TRIM13: variants seen among roughly 807,000 people sequenced by gnomAD.
The protein encoded by TRIM13 is E3 ubiquitin-protein ligase TRIM13.
Under a neutral mutation model 27.1 loss-of-function variants are expected in TRIM13, and 15 were observed. The ratio of observed to expected loss-of-function variants is 0.55; its 90% confidence interval spans 0.37 to 0.85. TRIM13 has a LOEUF of 0.85. TRIM13 is among the 40% of genes least tolerant of loss of function. TRIM13 has a pLI of 0.00. For synonymous variants in TRIM13, 193 were observed against 171.5 expected (o/e 1.13, Z -0.98); for missense variants, 402 against 472.2 (o/e 0.85, Z 1.38).
Position 50,015,921 on chromosome 13 carries a change from T to C in TRIM13, c.*2757T>C. On this transcript the variant is annotated 3_prime_UTR_variant, in exon 2 of 2. Transcript: ENST00000378182. ...ATGCTAACAGGGAGGATTACAGTGT[T>C]TACAGAACAACCTTCAGCGCCGACC... 6.2e-7 allele frequency: 1 copy of C among 1,614,092 alleles called. No homozygotes were observed. Among genetic ancestry groups the C allele is most frequent in the Non-Finnish European group, 8.5e-7 (1 of 1,179,996 alleles).
Position 50,015,122 on chromosome 13 carries a change from TA to T in TRIM13, c.*1959del, listed in dbSNP as rs1876348973. 1 of 79,262 alleles carries T rather than the reference TA, an allele frequency of 1.3e-5. No homozygotes were observed. The highest frequency in any genetic ancestry group is 2.5e-5 in the Non-Finnish European group (1 of 39,298). 4.9% of individuals were successfully genotyped at this position (79,262 alleles called of 1,614,324 possible). A position where few individuals can be genotyped will look rare whatever the true frequency, so the allele number is the denominator to read the frequency against. The stretch of plus-strand genomic sequence containing the variant: ...ATATATATATATATATATATATATA[TA>T]TATATATATATATATATATATATAT... On this transcript the variant is annotated 3_prime_UTR_variant, in exon 2 of 2. Transcript: ENST00000378182.
intron 1 of TRIM13, among the ~76,000 whole-genome samples, chr13:50,004,227 G>A (rs1252472426): frequency 6.6e-6 from 1 of 152,178 alleles, no homozygotes; most frequent in East Asian, 1.9e-4. Flanking sequence ...TTGGGAGGCT[G>A]AGTCCCGACT....
At chr13:50,008,239 A>AT (rs1275514697) in intron 1 of TRIM13, among the ~76,000 whole-genome samples, 1 of 152,128 alleles carries the variant, frequency 6.6e-6, no homozygotes, top group Non-Finnish European at 1.5e-5. Flanking sequence ...TGGCCTACCG[A>AT]TTAAGTCATA....
In TRIM13 at chr13:50,016,340, G is replaced by A; in HGVS notation, c.*3176G>A. 2 of 369,020 alleles carry A rather than the reference G, an allele frequency of 5.4e-6. No individual in the cohort carries two copies. The highest frequency in any genetic ancestry group is 4.9e-5 in the East Asian group (1 of 20,472). The allele number at this position is 369,020 out of a possible 1,614,324, so 22.9% of individuals were successfully genotyped here. A position where few individuals can be genotyped will look rare whatever the true frequency, so the allele number is the denominator to read the frequency against. On this transcript the variant is annotated 3_prime_UTR_variant, in exon 2 of 2. Coordinates refer to ENST00000378182, the MANE Select transcript of TRIM13 (RefSeq NM_213590.3). ...TGAGACTATGGACATTCAAATCATGGGAGAAAATAATTTTGTAGATTATGT... is the reference window on the plus strand; with the variant it reads ...TGAGACTATGGACATTCAAATCATGAGAGAAAATAATTTTGTAGATTATGT...
chr13:50,010,442 G>C (rs1594580582), intron 1 of TRIM13, among the ~76,000 whole-genome samples: 1 of 152,186 alleles, frequency 6.6e-6, no homozygotes, highest in South Asian at 2.1e-4. Flanking sequence ...TGAACCTGTT[G>C]GTCTTTCGTG....
rs960123040 is a variant in TRIM13, at chr13:49,997,985, C to T, written c.-7+222C>T. On this transcript the variant is annotated intron_variant, in intron 1 of 1. Coordinates refer to ENST00000378182, the MANE Select transcript of TRIM13 (RefSeq NM_213590.3). The stretch of plus-strand genomic sequence containing the variant: ...TTTATCTTAAATATAGCCAAACATT[C>T]ATATTACAAAGGAAGAAAGGGGCTT... Among the ~76,000 whole-genome samples the T allele has an allele frequency of 1.1e-4, 16 of 152,122 alleles. 1 individual carries two copies. The highest frequency in any genetic ancestry group is 6.5e-5 in the Admixed American group (1 of 15,272).
At chr13:50,011,507 CTTCT>C (rs1306677553) in intron 1 of TRIM13, among the ~76,000 whole-genome samples, 2 of 152,134 alleles carry the variant, frequency 1.3e-5, no homozygotes, top group Non-Finnish European at 1.5e-5. Flanking sequence ...TATTTCTGTG[CTTCT>C]TTCTTTTATA....
At position 50,014,750 on chromosome 13, in the gene TRIM13, C is replaced by T. The variant is rs1462193323; in HGVS notation, c.*1586C>T. The stretch of plus-strand genomic sequence containing the variant: ...ATTTGTGTCATAGAGTAAGATATTC[C>T]TTGAAAGCCCATTAAGTGGAATAGA... On this transcript the variant is annotated 3_prime_UTR_variant, in exon 2 of 2. Transcript: ENST00000378182. The T allele has an allele frequency of 6.0e-6, 1 of 166,580 alleles. No homozygotes were observed. Among genetic ancestry groups the T allele is most frequent in the Non-Finnish European group, 1.5e-5 (1 of 68,014 alleles). The allele number at this position is 166,580 out of a possible 1,614,324, so 10.3% of individuals were successfully genotyped here. A position where few individuals can be genotyped will look rare whatever the true frequency, so the allele number is the denominator to read the frequency against.
At position 50,016,353 on chromosome 13, in the gene TRIM13, T is replaced by C. The variant is rs1185251166; in HGVS notation, c.*3189T>C. The C allele has an allele frequency of 1.4e-5, 5 of 350,910 alleles. No individual in the cohort carries two copies. The Admixed American group carries it at 2.2e-4, about 16-fold the overall frequency. The allele number at this position is 350,910 out of a possible 1,614,324, so 21.7% of individuals were successfully genotyped here. A position where few individuals can be genotyped will look rare whatever the true frequency, so the allele number is the denominator to read the frequency against. On this transcript the variant is annotated 3_prime_UTR_variant, in exon 2 of 2. Transcript: ENST00000378182. ...ATTCAAATCATGGGAGAAAATAATT[T>C]TGTAGATTATGTTCCATTGCTAATG...
At position 50,014,983 on chromosome 13, in the gene TRIM13, G is replaced by GGA. The variant is rs1566445915; in HGVS notation, c.*1822_*1823dup. 4 of 164,628 alleles carry GGA rather than the reference G, an allele frequency of 2.4e-5. No homozygotes were observed. Among genetic ancestry groups the GGA allele is most frequent in the Admixed American group, 1.3e-4 (2 of 14,940 alleles). 10.2% of individuals were successfully genotyped at this position (164,628 alleles called of 1,614,324 possible). The stretch of plus-strand genomic sequence containing the variant: ...CATGATTTAGCCACTAAATTTCTAA[G>GGA]GAGATCATAAGAAATTAAGAAAAAC... On this transcript the variant is annotated 3_prime_UTR_variant, in exon 2 of 2. Coordinates refer to ENST00000378182, the MANE Select transcript of TRIM13 (RefSeq NM_213590.3).
In TRIM13 at chr13:50,014,667, C is replaced by T. The variant is rs944247130; in HGVS notation, c.*1503C>T. 3.0e-5 allele frequency: 5 copies of T among 166,624 alleles called. No homozygotes were observed. Among genetic ancestry groups the T allele is most frequent in the African/African-American group, 9.7e-5 (4 of 41,268 alleles). 10.3% of individuals were successfully genotyped at this position (166,624 alleles called of 1,614,324 possible). A position where few individuals can be genotyped will look rare whatever the true frequency, so the allele number is the denominator to read the frequency against. ...AGATACCCTCTCATGGAATAAACAC[C>T]TTGCTTAGAATTCATATAACAAAGA... On this transcript the variant is annotated 3_prime_UTR_variant, in exon 2 of 2. Transcript: ENST00000378182.
At position 50,015,511 on chromosome 13, in the gene TRIM13, G is replaced by C; in HGVS notation, c.*2347G>C. The C allele has an allele frequency of 6.2e-7, 1 of 1,612,434 alleles. No homozygotes were observed. ...AGGGAAGAATGAGTAGTCAGGAACT[G>C]GTCACTTTGAATGTGGGAGGGAAGA... On this transcript the variant is annotated 3_prime_UTR_variant, in exon 2 of 2. Coordinates refer to ENST00000378182, the MANE Select transcript of TRIM13 (RefSeq NM_213590.3).
chr13:50,006,399 TTTC>T (rs1256946384), intron 1 of TRIM13, among the ~76,000 whole-genome samples: 5 of 152,278 alleles, frequency 3.3e-5, no homozygotes, highest in East Asian at 3.9e-4. Flanking sequence ...TATTCTTTGT[TTTC>T]TTCTTATTTA....
chr13:50,012,719 A>G lies in TRIM13; in HGVS notation c.779A>G (p.Lys260Arg), dbSNP rs143582732. 4.4e-5 allele frequency: 71 copies of G among 1,614,012 alleles called. No homozygotes were observed. Among genetic ancestry groups the G allele is most frequent in the Non-Finnish European group, 5.6e-5 (66 of 1,180,028 alleles). ...QQMQEFREKI[K>R]VIKETPLPPS... The stretch of plus-strand genomic sequence containing the variant: ...ATGCAGGAGTTTAGAGAGAAAATCA[A>G]AGTAATCAAGGAAACTCCTTTACCT... The change falls in exon 2 of 2, where the codon AAA becomes AGA. Residue 260 changes from lysine to arginine, a missense_variant. By Grantham distance (26) the Lys-to-Arg change is conservative. Coordinates refer to ENST00000378182, the MANE Select transcript of TRIM13 (RefSeq NM_213590.3).
intron 1 of TRIM13, among the ~76,000 whole-genome samples, chr13:50,011,600 A>G (rs1875651238): frequency 6.6e-6 from 1 of 152,160 alleles, no homozygotes. Context: ...TGTTTTTGTC[A>G]GTAGTCAGCT....
At chr13:50,005,558 C>T (rs1874580342) in intron 1 of TRIM13, among the ~76,000 whole-genome samples, 1 of 151,382 alleles carries the variant, frequency 6.6e-6, no homozygotes, top group Non-Finnish European at 1.5e-5. Context: ...CGTGTAATCC[C>T]AGCTACTCGG....
At chr13:50,010,868 A>C (rs1431742140) in intron 1 of TRIM13, among the ~76,000 whole-genome samples, 2 of 152,234 alleles carry the variant, frequency 1.3e-5, no homozygotes, top group Non-Finnish European at 2.9e-5. Flanking sequence ...AGCTGGTTTA[A>C]CTTGCCGCTC....
intron 1 of TRIM13, among the ~76,000 whole-genome samples, chr13:50,005,314 G>A (rs533600404): frequency 6.6e-6 from 1 of 152,124 alleles, no homozygotes; most frequent in South Asian, 2.1e-4. Flanking sequence ...TGGTTTCTTG[G>A]ATCAGGTATT....
At chr13:50,007,488 C>CAAAAAAAAAAAAAA (rs1469454855) in intron 1 of TRIM13, among the ~76,000 whole-genome samples, 1 of 64,392 alleles carries the variant, frequency 1.6e-5, no homozygotes, top group African/African-American at 5.7e-5. Context: ...GACTCTGTCT[C>CAAAAAAAAAAAAAA]AAAAAAAAAA....
Sources: allele counts gnomAD v4.1 joint callset (sites outside exome capture counted in the v4.1 genomes callset), GRCh38; gene constraint gnomAD v4.1.1; transcripts MANE v1.5; gene names NCBI Gene and HGNC (gene_info 2026-07-23, HGNC 2026-07-21).